Variants in DPY19L4 observed in about 807,000 individuals in gnomAD.
The protein encoded by DPY19L4 is dpy-19 like 4.
In DPY19L4, 97 loss-of-function variants were observed where a neutral mutation model predicts 102.8. The ratio of observed to expected loss-of-function variants is 0.94; its 90% CI spans 0.80 to 1.12. The LOEUF (loss-of-function observed/expected upper bound fraction) is 1.12. DPY19L4 is among the 50% of genes most tolerant of loss of function. The pLI, the probability that DPY19L4 is intolerant of heterozygous loss-of-function variation, is 0.00. For missense variants in DPY19L4, 815 were observed against 850.4 expected (o/e 0.96, Z 0.52); for synonymous variants, 252 against 283.1 (o/e 0.89, Z 1.10).
chr8:94,726,806 C>T (rs1017761546), intron 2 of DPY19L4, among the ~76,000 whole-genome samples: 1 of 152,260 alleles, frequency 6.6e-6, no homozygotes, highest in African/African-American at 2.4e-5. Context: ...CAAAGCAAGT[C>T]ATATAATCAA....
rs768791023 is a variant in DPY19L4, at chr8:94,781,157, C to A, written c.1706C>A (p.Thr569Asn). 5.0e-6 allele frequency: 8 copies of A among 1,588,948 alleles called. No homozygotes were observed. The highest frequency in any genetic ancestry group is 6.8e-6 in the Non-Finnish European group (8 of 1,172,184). The change falls in exon 16 of 19, where the codon ACC becomes AAC. Residue 569 changes from threonine (T) to asparagine (N), a missense_variant. Transcript: ENST00000414645. The part of the protein sequence containing the change: ...FYDPDTVELM[T>N]WIKRQAPVAA... ...GACCCAGATACAGTGGAACTTATGA[C>A]CTGGATAAAGTAAGGATTGAAGTGC...
intron 12 of DPY19L4, 131 bp downstream of exon 12, chr8:94,768,684 C>T: frequency 1.5e-6 from 1 of 648,692 alleles, no homozygotes; most frequent in Non-Finnish European, 2.3e-6. Flanking sequence ...TTTTCATTGA[C>T]ATGGAAAATA....
chr8:94,777,078 GT>G (rs1391724547), intron 13 of DPY19L4, among the ~76,000 whole-genome samples: 1 of 149,902 alleles, frequency 6.7e-6, no homozygotes, highest in Non-Finnish European at 1.5e-5. Context: ...GTTTTGTTTT[GT>G]TTTTTTAAGA....
At chr8:94,720,871 G>A (rs185161391) in intron 1 of DPY19L4, among the ~76,000 whole-genome samples, 143 of 151,988 alleles carry the variant, frequency 9.4e-4, no homozygotes, top group Admixed American at 2.1e-3. Context: ...CATTCTGGTG[G>A]AAAACACAAC....
chr8:94,738,359 T>A lies in DPY19L4; in HGVS notation c.253-10T>A, dbSNP rs1811283463. 1 of 1,459,476 alleles carries A rather than the reference T, an allele frequency of 6.9e-7. No individual in the cohort carries two copies. The highest frequency in any genetic ancestry group is 1.6e-5 in the South Asian group (1 of 63,950). The allele number at this position is 1,459,476 out of a possible 1,614,324, so 90.4% of individuals were successfully genotyped here. On this transcript the variant is annotated splice_polypyrimidine_tract_variant and intron_variant, in intron 3 of 18. Coordinates refer to ENST00000414645, the MANE Select transcript of DPY19L4 (RefSeq NM_181787.3). The stretch of plus-strand genomic sequence containing the variant: ...ATTAAATTTTAAATAATAATTTCAT[T>A]TTCTTTTAGGAGCTTGAACGGGAAA...
rs753876311 is a variant in DPY19L4 at position 94,788,011 on chromosome 8, G to A, written c.1966G>A (p.Gly656Ser). Residue 656 changes from glycine to serine, a missense_variant, in exon 18 of 19, where the codon GGC becomes AGC. Physicochemically the swap from Gly to Ser is moderately conservative, Grantham distance 56. Coordinates refer to ENST00000414645, the MANE Select transcript of DPY19L4 (RefSeq NM_181787.3). Reference sequence around the variant, plus strand: ...CTGCAATGAGGTGGGACCCATGAGAGGCTGTAGGGTTAAAGATTTATTAGA... The same window carrying A: ...CTGCAATGAGGTGGGACCCATGAGAAGCTGTAGGGTTAAAGATTTATTAGA... The part of the protein sequence containing the change: ...AICNEVGPMR[G>S]CRVKDLLDIA... 6.7e-7 allele frequency: 1 copy of A among 1,500,726 alleles called. No homozygotes were observed. The highest frequency in any genetic ancestry group is 1.4e-5 in the South Asian group (1 of 71,434). The allele number at this position is 1,500,726 out of a possible 1,614,324, so 93.0% of individuals were successfully genotyped here.
intron 8 of DPY19L4, among the ~76,000 whole-genome samples, chr8:94,764,689 G>GTGTGTGTGTGTA (rs1415377058): frequency 2.4e-3 from 105 of 43,178 alleles, no homozygotes; most frequent in East Asian, 3.7e-3. Context: ...GTCTGTGTGT[G>GTGTGTGTGTGTA]TATATATATA....
chr8:94,726,267 G>A, intron 1 of DPY19L4, 64 bp from the exon 2 acceptor site: 5 of 1,313,196 alleles, frequency 3.8e-6, no homozygotes, highest in Non-Finnish European at 5.2e-6. Flanking sequence ...AAGGTTAATT[G>A]GCTCAGGATA....
chr8:94,787,858 T>C (rs1311662307), intron 17 of DPY19L4, 36 bp from the exon 18 acceptor site: 2 of 1,178,332 alleles, frequency 1.7e-6, no homozygotes, highest in East Asian at 3.7e-5. Context: ...ATTTTAATTA[T>C]ATTCTTTCAG....
Position 94,765,238 on chromosome 8 carries a change from A to T in DPY19L4, c.926A>T (p.Gln309Leu), listed in dbSNP as rs1812618621. The part of the protein sequence containing the change: ...IFSLFLGYLL[Q>L]FENPALLVSP... Reference sequence around the variant, plus strand: ...TCCCTCTTTCTGGGATATTTACTACAGTTTGAGAATCCAGCTTTGTTGGTA... The same window carrying T: ...TCCCTCTTTCTGGGATATTTACTACTGTTTGAGAATCCAGCTTTGTTGGTA... The change falls in exon 9 of 19, where the codon CAG becomes CTG. Residue 309 changes from glutamine to leucine, a missense_variant. By Grantham distance (113) the Gln-to-Leu change is moderately radical (BLOSUM62 -2). Coordinates refer to ENST00000414645, the MANE Select transcript of DPY19L4 (RefSeq NM_181787.3). 5.0e-6 allele frequency: 8 copies of T among 1,608,308 alleles called. No homozygotes were observed. In the East Asian group the frequency reaches 1.6e-4, roughly 31 times the overall value.
intron 6 of DPY19L4, among the ~76,000 whole-genome samples, chr8:94,746,884 T>C (rs367853029): frequency 2.7e-4 from 41 of 152,296 alleles, no homozygotes; most frequent in East Asian, 1.9e-3. Context: ...TCTTGCTTTC[T>C]TTCTTTCTTT....
chr8:94,728,552 T>C lies in DPY19L4; in HGVS notation c.127+2111T>C, dbSNP rs577058133. On this transcript the variant is annotated intron_variant, in intron 2 of 18. Transcript: ENST00000414645. ...AGTTGAGGCCTATATATAAATTTGC[T>C]CAAGATAAAAGCTGTGGGTAATCTA... Among the ~76,000 whole-genome samples, 4 of 152,276 alleles carry C rather than the reference T, an allele frequency of 2.6e-5. No homozygotes were observed. The South Asian group carries it at 8.3e-4, about 32-fold the overall frequency.
At chr8:94,770,032 C>T (rs1228777200) in intron 12 of DPY19L4, among the ~76,000 whole-genome samples, 1 of 151,890 alleles carries the variant, frequency 6.6e-6, no homozygotes, top group Admixed American at 6.6e-5. Flanking sequence ...AGATTACAGG[C>T]ATGTGCCACC....
chr8:94,771,215 A>G (rs559745794), intron 13 of DPY19L4, among the ~76,000 whole-genome samples: 4 of 152,296 alleles, frequency 2.6e-5, no homozygotes, highest in Admixed American at 6.5e-5. Flanking sequence ...GCACCCAGCA[A>G]AGATTGTCTT....
intron 6 of DPY19L4, among the ~76,000 whole-genome samples, chr8:94,743,948 T>A (rs534454528): frequency 1.3e-5 from 2 of 150,930 alleles, no homozygotes; most frequent in Non-Finnish European, 3.0e-5. Context: ...GGAGGCTGCA[T>A]TGAACTGAGA....
chr8:94,781,350 G>T (rs187354954), intron 16 of DPY19L4, among the ~76,000 whole-genome samples, 184 bp downstream of exon 16: 3 of 152,162 alleles, frequency 2.0e-5, no homozygotes, highest in Admixed American at 2.0e-4. Flanking sequence ...ATCTCCATGG[G>T]CTTGAAAATA....
chr8:94,723,756 A>G (rs1416968236), intron 1 of DPY19L4, among the ~76,000 whole-genome samples: 4 of 152,320 alleles, frequency 2.6e-5, no homozygotes, highest in Admixed American at 2.0e-4. Context: ...GCACACATTC[A>G]GTATGACAGT....
At chr8:94,737,570 T>C (rs1811240247) in intron 3 of DPY19L4, among the ~76,000 whole-genome samples, 1 of 151,744 alleles carries the variant, frequency 6.6e-6, no homozygotes, top group Non-Finnish European at 1.5e-5. Flanking sequence ...GATCACGAGG[T>C]CAGGAGATTG....
In DPY19L4 at chr8:94,719,993, G is replaced by A; in HGVS notation, c.-6G>A. Reference sequence around the variant, plus strand: ...GCCGCAGGGCGCCCTAGCCTTCGCAGAAACGATGGCGGAGGAAGAAGGTGA... The same window carrying A: ...GCCGCAGGGCGCCCTAGCCTTCGCAAAAACGATGGCGGAGGAAGAAGGTGA... On this transcript the variant is annotated 5_prime_UTR_variant, in exon 1 of 19. Coordinates refer to ENST00000414645, the MANE Select transcript of DPY19L4 (RefSeq NM_181787.3). The A allele has an allele frequency of 6.5e-7, 1 of 1,529,106 alleles. No individual in the cohort carries two copies. Among genetic ancestry groups the A allele is most frequent in the Non-Finnish European group, 8.8e-7 (1 of 1,139,410 alleles). 94.7% of individuals were successfully genotyped at this position (1,529,106 alleles called of 1,614,324 possible).
Sources: gnomAD v4.1 joint callset for allele counts (sites outside exome capture counted in the v4.1 genomes callset) on GRCh38, gnomAD v4.1.1 for gene constraint, MANE v1.5 for transcripts, NCBI Gene and HGNC (gene_info 2026-07-23, HGNC 2026-07-21) for gene names.